The following TSHZ3 variants were observed in gnomAD, a reference collection of about 807,000 sequenced individuals.
TSHZ3 encodes the protein teashirt zinc finger homeobox 3.
A neutral mutation model predicts 64.5 loss-of-function variants in TSHZ3; 10 were observed. The ratio of observed to expected loss-of-function variants is 0.16; its 90% CI spans 0.10 to 0.26. The LOEUF is 0.26. Ranked by LOEUF, TSHZ3 falls within the 10% of genes least tolerant of loss-of-function variation. The pLI is 1.00. For synonymous variants in TSHZ3, 608 were observed against 593.1 expected (o/e 1.03, Z -0.36); for missense variants, 1,242 against 1,421.7 (o/e 0.87, Z 2.03).
intron 1 of TSHZ3, among the ~76,000 whole-genome samples, chr19:31,334,186 C>T (rs1330560157): frequency 6.6e-6 from 1 of 152,170 alleles, no homozygotes; most frequent in Non-Finnish European, 1.5e-5. Context: ...AGGGTCCACT[C>T]TGCCTTATGA....
At chr19:31,280,571 G>T (rs910416063) in intron 1 of TSHZ3, among the ~76,000 whole-genome samples, 3 of 152,106 alleles carry the variant, frequency 2.0e-5, no homozygotes, top group African/African-American at 7.2e-5. Context: ...ATTGGTATGC[G>T]GTGCTCATTC....
chr19:31,163,095 T>C (rs915974695), intron 5 of TSHZ3, among the ~76,000 whole-genome samples: 1 of 152,216 alleles, frequency 6.6e-6, no homozygotes, highest in African/African-American at 2.4e-5. Context: ...CTCAGGTGTG[T>C]TCTTAAGGAT....
At chr19:31,300,419 G>A (rs1416507070) in intron 1 of TSHZ3, among the ~76,000 whole-genome samples, 1 of 152,178 alleles carries the variant, frequency 6.6e-6, no homozygotes, top group Non-Finnish European at 1.5e-5. Context: ...GGGGCAGTTG[G>A]ATATGATTAT....
At chr19:31,223,365 C>CGT (rs10551485) in intron 4 of TSHZ3, among the ~76,000 whole-genome samples, 6,784 of 142,400 alleles carry the variant, frequency 0.048, 198 homozygotes, top group African/African-American at 0.087. Flanking sequence ...GTTCTTATAA[C>CGT]GTGTGTGTGT....
At chr19:31,349,012 C>G (rs1177139254) in intron 1 of TSHZ3, 168 bp downstream of exon 1, 1 of 806,796 alleles carries the variant, frequency 1.2e-6, no homozygotes, top group Non-Finnish European at 1.8e-6. Flanking sequence ...GTCCGGGGGG[C>G]GCCCGGTACC....
chr19:31,222,871 G>A (rs554106009), intron 4 of TSHZ3, among the ~76,000 whole-genome samples: 1 of 152,186 alleles, frequency 6.6e-6, no homozygotes, highest in Admixed American at 6.5e-5. Context: ...ACTTCAGAGG[G>A]TTAGAAATGA....
In TSHZ3 at chr19:31,337,448, A is replaced by G. The variant is rs1305801919; in HGVS notation, c.40+11732T>C. ...GGCATTTGTATCAAAGGTGTTTACA[A>G]TTGTTCCTGCAAATTGGCACTTGTA... On this transcript the variant is annotated intron_variant, in intron 1 of 1. Coordinates refer to ENST00000240587, the MANE Select transcript of TSHZ3 (RefSeq NM_020856.4). Among the ~76,000 whole-genome samples, 8 of 152,198 alleles carry G rather than the reference A, an allele frequency of 5.3e-5. No individual in the cohort carries two copies. The East Asian group carries it at 1.5e-3, about 29-fold the overall frequency.
At chr19:31,350,573 C>T (rs1441704788), upstream of TSHZ3, among the ~76,000 whole-genome samples, 1 of 151,590 alleles carries the variant, frequency 6.6e-6, no homozygotes, top group African/African-American at 2.4e-5. Context: ...GTCCCGCGCC[C>T]GGCCTGCCGG....
intron 5 of TSHZ3, among the ~76,000 whole-genome samples, chr19:31,157,077 A>G (rs1180330469): frequency 1.3e-5 from 2 of 151,154 alleles, no homozygotes; most frequent in Non-Finnish European, 2.9e-5. Context: ...AGAATTGAAC[A>G]TATATTGACA....
intron 1 of TSHZ3, among the ~76,000 whole-genome samples, chr19:31,339,708 G>A (rs763019647): frequency 1.3e-5 from 2 of 151,838 alleles, no homozygotes; most frequent in African/African-American, 2.4e-5. Flanking sequence ...TGAATTCTCC[G>A]ACGTTTCAAG....
At chr19:31,307,941 C>T (rs1026558505) in intron 1 of TSHZ3, among the ~76,000 whole-genome samples, 23 of 152,182 alleles carry the variant, frequency 1.5e-4, no homozygotes, top group Non-Finnish European at 7.3e-5. Flanking sequence ...AAAGGGGCCA[C>T]CCCAGCTATA....
At chr19:31,172,935 G>A (rs528864487) in intron 5 of TSHZ3, among the ~76,000 whole-genome samples, 31 of 152,318 alleles carry the variant, frequency 2.0e-4, no homozygotes, top group Admixed American at 2.6e-4. Context: ...GGGAGTGGCA[G>A]GAGTTGGGAA....
chr19:31,263,774 A>G (rs985104263), intron 1 of TSHZ3, among the ~76,000 whole-genome samples: 3 of 152,238 alleles, frequency 2.0e-5, no homozygotes, highest in Admixed American at 6.5e-5. Context: ...TGAGCTGTAT[A>G]GAGGCCCTAA....
intron 4 of TSHZ3, among the ~76,000 whole-genome samples, chr19:31,225,999 C>T (rs1318261516): frequency 1.3e-5 from 2 of 151,952 alleles, no homozygotes; most frequent in African/African-American, 4.8e-5. Flanking sequence ...TGTTAATGGG[C>T]ACCTGTAATC....
At chr19:31,167,476 A>G (rs1460902952) in intron 5 of TSHZ3, 3 of 152,194 alleles carry the variant, frequency 2.0e-5, no homozygotes, top group Non-Finnish European at 4.4e-5. Context: ...GTCCAGCAAG[A>G]GTTGAACACA....
intron 4 of TSHZ3, among the ~76,000 whole-genome samples, chr19:31,214,276 A>C (rs1975297081): frequency 6.6e-6 from 1 of 152,170 alleles, no homozygotes; most frequent in Non-Finnish European, 1.5e-5. Flanking sequence ...AGGCTGCATG[A>C]GTCACTGTGG....
intron 1 of TSHZ3, among the ~76,000 whole-genome samples, chr19:31,331,812 C>T (rs1177812140): frequency 4.6e-5 from 7 of 152,148 alleles, no homozygotes; most frequent in Admixed American, 2.6e-4. Flanking sequence ...CACCAGAGCA[C>T]GCTGCACCTT....
At chr19:31,346,816 C>A (rs2145204351) in intron 1 of TSHZ3, among the ~76,000 whole-genome samples, 1 of 151,412 alleles carries the variant, frequency 6.6e-6, no homozygotes, top group South Asian at 2.1e-4. Context: ...AACCTCTGTG[C>A]ATACTTATCA....
intron 1 of TSHZ3, among the ~76,000 whole-genome samples, chr19:31,301,619 A>AGTT (rs1976758391): frequency 6.6e-6 from 1 of 152,148 alleles, no homozygotes; most frequent in Non-Finnish European, 1.5e-5. Context: ...ACCCCGGCAA[A>AGTT]GGGATTCCGC....
Sources: allele counts gnomAD v4.1 joint callset (sites outside exome capture counted in the v4.1 genomes callset), GRCh38; gene constraint gnomAD v4.1.1; transcripts MANE v1.5; gene names NCBI Gene and HGNC (gene_info 2026-07-23, HGNC 2026-07-21).